MYO7B: variants seen among roughly 807,000 people sequenced by gnomAD.
The protein encoded by MYO7B is myosin VIIB, also known as unconventional myosin-VIIb.
MYO7B carries 212 observed loss-of-function variants against 259.7 expected under a neutral mutation model. The observed-to-expected ratio is 0.82, with a 90% CI of 0.73 to 0.91. The LOEUF (loss-of-function observed/expected upper bound fraction) is 0.91, where lower values mean the gene tolerates loss of function less well. Among genes scored for constraint, MYO7B ranks in the 40% least tolerant of loss-of-function variants. The probability of loss-of-function intolerance (pLI) is 0.00; values close to 1 mark genes in which losing one functional copy is unlikely to be tolerated. For synonymous variants in MYO7B, 1,197 were observed against 1,166.4 expected, an observed-to-expected ratio of 1.03 and a Z score of -0.54; for missense variants, 2,732 against 2,813.5, an observed-to-expected ratio of 0.97 and a Z score of 0.66.
chr2:127,597,563 C>T lies in MYO7B; in HGVS notation c.2339+1007C>T, dbSNP rs1679819201. 6.6e-6 allele frequency among the ~76,000 whole-genome samples: 1 copy of T among 152,082 alleles called. No individual in the cohort carries two copies. Among genetic ancestry groups the T allele is most frequent in the Admixed American group, 6.6e-5 (1 of 15,254 alleles). On this transcript the variant is annotated intron_variant, in intron 19 of 47. Transcript: ENST00000409816. This position sits in a 1 kb window ranked among gnomAD's most constrained non-coding sequence, Gnocchi z 4.8. The stretch of plus-strand genomic sequence containing the variant: ...CATGCAGCCTGGGGTGGGCTTTTTT[C>T]ACTTGGCATGTTTCTCTGGAGATTC...
rs952648523 is a variant in MYO7B, at chr2:127,620,833, A to G, written c.3525+367A>G. On this transcript the variant is annotated intron_variant, in intron 27 of 47. Coordinates refer to ENST00000409816, the MANE Select transcript of MYO7B (RefSeq NM_001393586.1). ...GCCACGGCACCTCTTTCTAGTTCTT[A>G]GGACTGAAAATGGAGCTGGGTTGGC... is the stretch of plus-strand genomic sequence containing the variant. Among the ~76,000 whole-genome samples the G allele has an allele frequency of 3.3e-5, 5 of 152,348 alleles. No individual in the cohort carries two copies. The South Asian group carries it at 8.3e-4, about 25-fold the overall frequency.
chr2:127,592,694 A>ACC, intron 16 of MYO7B, 100 bp from the exon 17 acceptor site: 1 of 1,452,780 alleles, frequency 6.9e-7, no homozygotes, highest in Non-Finnish European at 9.2e-7. Flanking sequence ...GGACACACTG[A>ACC]CCTCTGGCTG....
At chr2:127,612,967 A>G (rs1305517871) in intron 26 of MYO7B, among the ~76,000 whole-genome samples, 3 of 152,262 alleles carry the variant, frequency 2.0e-5, no homozygotes, top group African/African-American at 7.2e-5. Flanking sequence ...TAGAAGAAAC[A>G]CGTATAGTCA....
chr2:127,604,220 T>A (rs1283803330), intron 19 of MYO7B, among the ~76,000 whole-genome samples: 1 of 152,246 alleles, frequency 6.6e-6, no homozygotes, highest in Non-Finnish European at 1.5e-5. Context: ...TTGCAGCTTC[T>A]CCATCAGCAC....
At chr2:127,588,605 G>T (rs368098267) in intron 15 of MYO7B, 50 bp downstream of exon 15, 24 of 1,605,498 alleles carry the variant, frequency 1.5e-5, no homozygotes, top group Non-Finnish European at 2.0e-5. Flanking sequence ...TGGCTACAGG[G>T]CCAGACAGAC....
Position 127,593,650 on chromosome 2 carries a change from A to AC in MYO7B, c.2244+10dup. 1 of 1,612,536 alleles carries AC rather than the reference A, an allele frequency of 6.2e-7. No homozygotes were observed. ...AGACAAAAATTTTCCTGAGGGTGAG[A>AC]CCCCGAGGAACCAGCCAGCTGTCGG... On this transcript the variant is annotated splice_region_variant and intron_variant, in intron 18 of 47. Coordinates refer to ENST00000409816, the MANE Select transcript of MYO7B (RefSeq NM_001393586.1).
intron 1 of MYO7B, among the ~76,000 whole-genome samples, chr2:127,551,794 T>C (rs1259568202): frequency 6.6e-6 from 1 of 152,120 alleles, no homozygotes; most frequent in Admixed American, 6.5e-5. Flanking sequence ...GTTTCTCTCT[T>C]GTTTCAGTGA....
intron 4 of MYO7B, 70 bp from the exon 5 acceptor site, chr2:127,566,572 GC>G: frequency 7.0e-7 from 1 of 1,431,002 alleles, no homozygotes; most frequent in Non-Finnish European, 9.2e-7. Context: ...CAGAGCCAAG[GC>G]CAAGGCCAAG....
At chr2:127,541,015 T>C (rs1288750915) in intron 1 of MYO7B, among the ~76,000 whole-genome samples, 1 of 152,254 alleles carries the variant, frequency 6.6e-6, no homozygotes, top group Non-Finnish European at 1.5e-5. Context: ...TCATTGTTCA[T>C]ATCTATAATG....
chr2:127,628,042 A>G lies in MYO7B; in HGVS notation c.4461-330A>G, dbSNP rs1366809347. The stretch of plus-strand genomic sequence containing the variant: ...AGCACGCCGAGGTTAGGTGGCTCAG[A>G]GTAAGCACATGGCAGAGCCGGCAGC... On this transcript the variant is annotated intron_variant, in intron 33 of 47. Transcript: ENST00000409816. The surrounding 1 kb of genome is among the most constrained non-coding windows in gnomAD (Gnocchi z 4.8). The G allele has an allele frequency of 1.9e-6, 1 of 533,156 alleles. No individual in the cohort carries two copies. The highest frequency in any genetic ancestry group is 1.5e-5 in the South Asian group (1 of 65,274). The allele number at this position is 533,156 out of a possible 1,614,324, so 33.0% of individuals were successfully genotyped here. A position where few individuals can be genotyped will look rare whatever the true frequency, so the allele number is the denominator to read the frequency against.
intron 19 of MYO7B, among the ~76,000 whole-genome samples, chr2:127,602,076 T>C (rs75505808): frequency 0.038 from 5,776 of 152,340 alleles, 222 homozygotes; most frequent in South Asian, 0.15. Context: ...TTTTATGTTT[T>C]CTTTTTCTTG....
rs1679220109 is a variant in MYO7B at position 127,584,307 on chromosome 2, T to C, written c.1529T>C (p.Leu510Pro). Reference protein sequence around the residue: ...ALKPMSIISLLDEESRFPQGT... With the variant: ...ALKPMSIISLPDEESRFPQGT... ...AAGCCCATGAGCATCATCTCCCTCC[T>C]GGACGAAGAAAGCCGCTTCCCGCAG... The change falls in exon 13 of 48, where the codon CTG (leucine) becomes CCG (proline). Residue 510 changes from leucine to proline, a missense_variant. Physicochemically the swap from Leu to Pro is moderately conservative, Grantham distance 98. Coordinates refer to ENST00000409816, the MANE Select transcript of MYO7B (RefSeq NM_001393586.1). This position sits in a 1 kb window ranked among gnomAD's most constrained non-coding sequence, Gnocchi z 5.8. 6.2e-7 allele frequency: 1 copy of C among 1,613,964 alleles called. No homozygotes were observed. The highest frequency in any genetic ancestry group is 8.5e-7 in the Non-Finnish European group (1 of 1,179,882).
At chr2:127,580,999 G>A (rs1679077828) in intron 10 of MYO7B, among the ~76,000 whole-genome samples, 177 bp downstream of exon 10, 1 of 152,170 alleles carries the variant, frequency 6.6e-6, no homozygotes, top group Non-Finnish European at 1.5e-5. Flanking sequence ...GCGCAGAGTG[G>A]GGCAGTGCCA....
At chr2:127,589,101 G>A (rs1679435989) in intron 15 of MYO7B, among the ~76,000 whole-genome samples, 1 of 150,228 alleles carries the variant, frequency 6.7e-6, no homozygotes, top group East Asian at 2.0e-4. Flanking sequence ...GTCGATGGTT[G>A]GGTGGATGGG....
rs529149345 is a variant in MYO7B, at chr2:127,614,866, C to G, written c.3398+2263C>G. Among the ~76,000 whole-genome samples, 2 of 152,220 alleles carry G rather than the reference C, an allele frequency of 1.3e-5. No homozygotes were observed. Among genetic ancestry groups the G allele is most frequent in the Non-Finnish European group, 2.9e-5 (2 of 68,046 alleles). On this transcript the variant is annotated intron_variant, in intron 26 of 47. Transcript: ENST00000409816. This position sits in a 1 kb window ranked among gnomAD's most constrained non-coding sequence, Gnocchi z 4.6. ...TTTAGTAAATCCTACAAGAATGTGT[C>G]TCTTTAGAACGTCGGATATGAGCAT...
At chr2:127,554,949 A>AT (rs113240086) in intron 1 of MYO7B, among the ~76,000 whole-genome samples, 4,007 of 136,028 alleles carry the variant, frequency 0.029, 147 homozygotes, top group African/African-American at 0.086. Context: ...TTTCTAATTG[A>AT]TTTTTTTTTT....
chr2:127,580,116 T>C (rs1237460489), intron 9 of MYO7B, among the ~76,000 whole-genome samples: 1 of 152,226 alleles, frequency 6.6e-6, no homozygotes, highest in Non-Finnish European at 1.5e-5. Flanking sequence ...CTTTGTGTTT[T>C]ATGCACTTCT....
intron 40 of MYO7B, 51 bp from the exon 41 acceptor site, chr2:127,634,125 G>C: frequency 7.0e-6 from 10 of 1,438,330 alleles, no homozygotes; most frequent in Non-Finnish European, 9.6e-6. Flanking sequence ...ATCCTGGGCT[G>C]TACTGGCCCC....
At position 127,596,540 on chromosome 2, in the gene MYO7B, CG is replaced by C; in HGVS notation, c.2327del (p.Gly776AlafsTer9). 1.9e-6 allele frequency: 3 copies of C among 1,612,378 alleles called. No homozygotes were observed. Among genetic ancestry groups the C allele is most frequent in the Non-Finnish European group, 2.5e-6 (3 of 1,179,248 alleles). On this transcript the variant is annotated frameshift_variant, in exon 19 of 48. Coordinates refer to ENST00000409816, the MANE Select transcript of MYO7B (RefSeq NM_001393586.1). LOFTEE classifies it high-confidence loss of function. ...GGCGCTCAGCATCCAGAAAGTCCTT[CG>C]GGGCTACAGATACAGGTGCCGGCCC... ...RAALSIQKVL[R>X]GYRYRKEFLR...
Sources: allele counts gnomAD v4.1 joint callset (sites outside exome capture counted in the v4.1 genomes callset), GRCh38; gene constraint gnomAD v4.1.1; non-coding constraint Gnocchi (gnomAD v3.1); transcripts MANE v1.5; gene names NCBI Gene and HGNC (gene_info 2026-07-23, HGNC 2026-07-21).